SPATS2L: variants seen among roughly 807,000 people sequenced by gnomAD.
SPATS2L encodes spermatogenesis associated serine rich 2 like, also known as SPATS2-like protein.
SPATS2L carries 30 observed loss-of-function variants against 59.6 expected under a neutral mutation model. The observed-to-expected ratio is 0.50, with a 90% CI of 0.38 to 0.68. The LOEUF is 0.68. Ranked by LOEUF, SPATS2L falls within the 30% of genes least tolerant of loss-of-function variation. The pLI is 0.00. For missense variants in SPATS2L, 615 were observed against 700.0 expected, an observed-to-expected ratio of 0.88 and a Z score of 1.37; for synonymous variants, 252 against 263.5, an observed-to-expected ratio of 0.96 and a Z score of 0.42.
intron 6 of SPATS2L, among the ~76,000 whole-genome samples, chr2:200,426,971 T>TA (rs1360264757): frequency 1.3e-5 from 2 of 152,080 alleles, no homozygotes; most frequent in African/African-American, 4.8e-5. Context: ...ACAGGAAACA[T>TA]AAAACCCCTC....
At chr2:200,457,080 A>G (rs1237913762) in intron 8 of SPATS2L, among the ~76,000 whole-genome samples, 2 of 152,032 alleles carry the variant, frequency 1.3e-5, no homozygotes, top group African/African-American at 4.8e-5. Context: ...GCTTAACCAT[A>G]TATTTGTAGT....
At chr2:200,365,208 T>C (rs2081231439) in intron 2 of SPATS2L, among the ~76,000 whole-genome samples, 3 of 152,256 alleles carry the variant, frequency 2.0e-5, no homozygotes, top group Middle Eastern at 3.2e-3. Flanking sequence ...TTACTTATGT[T>C]ATCTTTTAAT....
At chr2:200,416,853 C>T (rs2083083238) in intron 5 of SPATS2L, among the ~76,000 whole-genome samples, 1 of 151,940 alleles carries the variant, frequency 6.6e-6, no homozygotes, top group Non-Finnish European at 1.5e-5. Context: ...CCAAGGCTGC[C>T]CTGAGATGCT....
At chr2:200,367,963 G>A (rs1008710796) in intron 2 of SPATS2L, among the ~76,000 whole-genome samples, 7 of 152,180 alleles carry the variant, frequency 4.6e-5, no homozygotes, top group East Asian at 3.8e-4. Context: ...TCAAAACAGC[G>A]TTATAAGAAA....
At chr2:200,369,910 T>C (rs1331906608) in intron 2 of SPATS2L, among the ~76,000 whole-genome samples, 6 of 152,334 alleles carry the variant, frequency 3.9e-5, no homozygotes, top group Non-Finnish European at 7.4e-5. Context: ...AAAAACAAAG[T>C]ACTATTGCTC....
rs1476887523 is a variant in SPATS2L, at chr2:200,480,975, C to T, written c.*2944C>T. On this transcript the variant is annotated 3_prime_UTR_variant, in exon 13 of 13. Transcript: ENST00000409140. The stretch of plus-strand genomic sequence containing the variant: ...TATGAAGATGGAATAACTTCAAACT[C>T]ACATTGTGGCACTTAGATCTTCCAC... 6.6e-6 allele frequency: 1 copy of T among 152,176 alleles called. No homozygotes were observed. The allele number at this position is 152,176 out of a possible 1,614,324, so 9.4% of individuals were successfully genotyped here.
chr2:200,431,991 T>G lies in SPATS2L; in HGVS notation c.446-7131T>G, dbSNP rs376694347. Among the ~76,000 whole-genome samples, 128 of 152,366 alleles carry G rather than the reference T, an allele frequency of 8.4e-4. 2 individuals are homozygous for G. Among genetic ancestry groups the G allele is most frequent in the African/African-American group, 3.0e-3 (123 of 41,586 alleles). The stretch of plus-strand genomic sequence containing the variant: ...TAAATATGAAAACAATTGCAGGCAC[T>G]GCAGCTGAGTGTAAATGGTACAACT... On this transcript the variant is annotated intron_variant, in intron 6 of 12. Transcript: ENST00000409140.
chr2:200,406,160 C>A (rs1253228040), intron 3 of SPATS2L, among the ~76,000 whole-genome samples: 1 of 152,100 alleles, frequency 6.6e-6, no homozygotes, highest in Non-Finnish European at 1.5e-5. Context: ...AGCAGGAAGT[C>A]ACATAAGTAA....
chr2:200,314,054 C>G (rs544978813), intron 1 of SPATS2L, among the ~76,000 whole-genome samples: 40 of 152,326 alleles, frequency 2.6e-4, no homozygotes, highest in African/African-American at 8.9e-4. Context: ...GGCAGCTCAT[C>G]TTCTGTTTTC....
chr2:200,394,447 T>G (rs1402568030), intron 3 of SPATS2L, among the ~76,000 whole-genome samples: 1 of 152,226 alleles, frequency 6.6e-6, no homozygotes, highest in Non-Finnish European at 1.5e-5. Context: ...CAGCTGTTAT[T>G]CCACGGAGTG....
At chr2:200,396,676 A>G (rs1473136496) in intron 3 of SPATS2L, among the ~76,000 whole-genome samples, 12 of 152,172 alleles carry the variant, frequency 7.9e-5, no homozygotes, top group African/African-American at 2.9e-4. Flanking sequence ...AACTCCATTT[A>G]ATAGATAACT....
chr2:200,431,452 T>G (rs1457655685), intron 6 of SPATS2L, among the ~76,000 whole-genome samples: 1 of 152,220 alleles, frequency 6.6e-6, no homozygotes, highest in Non-Finnish European at 1.5e-5. Flanking sequence ...AACAAAGTTA[T>G]GCTTTGTTTC....
At chr2:200,441,515 T>C (rs931792546) in intron 8 of SPATS2L, among the ~76,000 whole-genome samples, 12 of 152,200 alleles carry the variant, frequency 7.9e-5, no homozygotes, top group Non-Finnish European at 1.6e-4. Flanking sequence ...TACAGAAGTT[T>C]CCTTCAGACA....
At chr2:200,381,219 C>A (rs2081800210) in intron 2 of SPATS2L, among the ~76,000 whole-genome samples, 1 of 152,200 alleles carries the variant, frequency 6.6e-6, no homozygotes, top group African/African-American at 2.4e-5. Context: ...GCTTAGGGCC[C>A]TGGATGGTTA....
chr2:200,342,228 T>C (rs763813055), intron 2 of SPATS2L, among the ~76,000 whole-genome samples: 3 of 152,114 alleles, frequency 2.0e-5, no homozygotes, highest in African/African-American at 4.8e-5. Context: ...ACAAGAGATA[T>C]TGGGCAAGGG....
chr2:200,440,869 A>G lies in SPATS2L; in HGVS notation c.788+85A>G, dbSNP rs916276894. On this transcript the variant is annotated intron_variant, in intron 8 of 12. Transcript: ENST00000409140. ...AAGTATCAGATGGAAAACGTTGTTT[A>G]TTTAATACATAAACATCACAGAATA... The G allele has an allele frequency of 1.1e-5, 16 of 1,466,048 alleles. No individual in the cohort carries two copies. The African/African-American group carries it at 1.5e-4, about 14-fold the overall frequency. The allele number at this position is 1,466,048 out of a possible 1,614,324, so 90.8% of individuals were successfully genotyped here.
In SPATS2L at chr2:200,440,774, T is replaced by C. The variant is rs199514057; in HGVS notation, c.778T>C (p.Leu260=). 4.3e-6 allele frequency: 7 copies of C among 1,613,452 alleles called. No individual in the cohort carries two copies. The East Asian group carries it at 1.3e-4, about 31-fold the overall frequency. ...VKKIKAAFAE[L]HNCIIDKEVS... ...GAAGATCAAAGCTGCCTTTGCTGAA[T>C]TACACAACTGGTGAGTGATTCAACG... Residue 260 remains leucine (L), a synonymous_variant, in exon 8 of 13, where the codon TTA becomes CTA. Transcript: ENST00000409140.
At chr2:200,435,592 TCTACGA>T (rs1166949974) in intron 6 of SPATS2L, among the ~76,000 whole-genome samples, 2 of 152,190 alleles carry the variant, frequency 1.3e-5, no homozygotes, top group Non-Finnish European at 1.5e-5. Context: ...TTATTATGTA[TCTACGA>T]GATACCAAGC....
chr2:200,350,221 G>A (rs886457193), intron 2 of SPATS2L, among the ~76,000 whole-genome samples: 3 of 152,114 alleles, frequency 2.0e-5, no homozygotes, highest in Non-Finnish European at 2.9e-5. Flanking sequence ...TGGCTTCTCT[G>A]TATTCTTATC....
Sources: gnomAD v4.1 joint callset for allele counts (sites outside exome capture counted in the v4.1 genomes callset) on GRCh38, gnomAD v4.1.1 for gene constraint, MANE v1.5 for transcripts, NCBI Gene and HGNC (gene_info 2026-07-23, HGNC 2026-07-21) for gene names.